AKAP19: variants seen among roughly 807,000 people sequenced by gnomAD.
AKAP19 encodes small A-kinase anchoring protein.
the AKAP19 span, among the ~76,000 whole-genome samples, chr2:189,953,655 A>C: frequency 6.6e-6 from 1 of 151,856 alleles, no homozygotes; most frequent in African/African-American, 2.4e-5. Context: ...AAAAAAAAAA[A>C]AAAACAAAGA....
chr2:189,934,710 T>C, the AKAP19 span, among the ~76,000 whole-genome samples: 2 of 151,442 alleles, frequency 1.3e-5, no homozygotes, highest in African/African-American at 4.8e-5. Context: ...ATTAATACTA[T>C]CTTGTTTTTA....
chr2:189,907,760 C>T, the AKAP19 span, among the ~76,000 whole-genome samples: 1 of 151,818 alleles, frequency 6.6e-6, no homozygotes, highest in Non-Finnish European at 1.5e-5. Flanking sequence ...CAAATATTAT[C>T]ATATATATAT....
the AKAP19 span, among the ~76,000 whole-genome samples, chr2:190,026,039 T>C: frequency 6.6e-6 from 1 of 152,236 alleles, no homozygotes; most frequent in South Asian, 2.1e-4. Context: ...CTGCTGAACA[T>C]CTGCTCATTT....
the AKAP19 span, among the ~76,000 whole-genome samples, chr2:190,040,294 T>C: frequency 6.6e-6 from 1 of 152,242 alleles, no homozygotes; most frequent in Non-Finnish European, 1.5e-5. Flanking sequence ...TTTTTTCATA[T>C]GCTTGTGGGC....
chr2:190,161,668 G>A, the AKAP19 span, among the ~76,000 whole-genome samples: 5 of 152,258 alleles, frequency 3.3e-5, no homozygotes, highest in African/African-American at 1.2e-4. Flanking sequence ...TGTTACAGAC[G>A]CTTATGCAGA....
the AKAP19 span, among the ~76,000 whole-genome samples, chr2:189,982,516 A>G: frequency 6.6e-6 from 1 of 152,188 alleles, no homozygotes; most frequent in Non-Finnish European, 1.5e-5. Flanking sequence ...TCTGGTTAGC[A>G]TCCATCGCTA....
At chr2:189,928,648 TGG>T in the AKAP19 span, among the ~76,000 whole-genome samples, 1 of 152,136 alleles carries the variant, frequency 6.6e-6, no homozygotes, top group Non-Finnish European at 1.5e-5. Flanking sequence ...CTTTCCATCA[TGG>T]GGCTCATAAG....
chr2:190,029,906 G>T, the AKAP19 span, among the ~76,000 whole-genome samples: 1 of 152,086 alleles, frequency 6.6e-6, no homozygotes, highest in African/African-American at 2.4e-5. Flanking sequence ...AACAGTAGAT[G>T]GCTCTGCATG....
the AKAP19 span, among the ~76,000 whole-genome samples, chr2:190,037,551 T>C: frequency 2.0e-5 from 3 of 152,180 alleles, no homozygotes; most frequent in Non-Finnish European, 4.4e-5. Flanking sequence ...ATAGACTCCA[T>C]AGCCAGGGTA....
chr2:189,910,024 G>T, the AKAP19 span, among the ~76,000 whole-genome samples: 13 of 151,898 alleles, frequency 8.6e-5, no homozygotes, highest in Non-Finnish European at 1.8e-4. Flanking sequence ...GGCTTCCTAT[G>T]TATAAGGTCT....
chr2:189,938,973 G>A, the AKAP19 span, among the ~76,000 whole-genome samples: 2 of 152,144 alleles, frequency 1.3e-5, no homozygotes, highest in Non-Finnish European at 2.9e-5. Flanking sequence ...CTGACTCATG[G>A]TTTCTACACT....
the AKAP19 span, among the ~76,000 whole-genome samples, chr2:190,190,611 T>C: frequency 6.6e-6 from 1 of 152,204 alleles, no homozygotes; most frequent in Non-Finnish European, 1.5e-5. Flanking sequence ...TGTGGTTAAC[T>C]TTTTAAGAAA....
chr2:189,922,625 G>T, the AKAP19 span, among the ~76,000 whole-genome samples: 1 of 152,226 alleles, frequency 6.6e-6, no homozygotes, highest in Admixed American at 6.5e-5. Flanking sequence ...CAATGCACAT[G>T]TTCCCAGCTG....
chr2:189,970,400 T>G, the AKAP19 span, among the ~76,000 whole-genome samples: 5 of 152,222 alleles, frequency 3.3e-5, no homozygotes, highest in Admixed American at 3.3e-4. Flanking sequence ...TTCCCATATT[T>G]TTAGAATACT....
chr2:190,079,890 T>TGTGTGTGTGTGTGTGAGAGA, the AKAP19 span: 1 of 109,434 alleles, frequency 9.1e-6, no homozygotes, highest in African/African-American at 3.2e-5. Context: ...TGTGTGTGTG[T>TGTGTGTGTGTGTGTGAGAGA]GAGAGAGAGA....
At chr2:190,096,716 A>G in the AKAP19 span, among the ~76,000 whole-genome samples, 2 of 152,184 alleles carry the variant, frequency 1.3e-5, no homozygotes, top group East Asian at 1.9e-4. Flanking sequence ...TTTTTAAACA[A>G]TGTATTTTCT....
At chr2:189,909,520 A>G in the AKAP19 span, among the ~76,000 whole-genome samples, 1 of 151,824 alleles carries the variant, frequency 6.6e-6, no homozygotes, top group African/African-American at 2.4e-5. Context: ...TTTGGTATCT[A>G]TTGTAGGTTT....
the AKAP19 span, among the ~76,000 whole-genome samples, chr2:189,934,347 AC>A: frequency 6.6e-6 from 1 of 152,078 alleles, no homozygotes; most frequent in Non-Finnish European, 1.5e-5. Context: ...TGGAAAACTG[AC>A]AAAATTTGTA....
At chr2:189,891,510 A>C in the AKAP19 span, among the ~76,000 whole-genome samples, 1 of 151,960 alleles carries the variant, frequency 6.6e-6, no homozygotes, top group South Asian at 2.1e-4. Context: ...GATGTGAGCC[A>C]CCAAACCCGG....
Sources: allele counts gnomAD v4.1 joint callset (sites outside exome capture counted in the v4.1 genomes callset), GRCh38; gene constraint gnomAD v4.1.1; transcripts MANE v1.5; gene names NCBI Gene and HGNC (gene_info 2026-07-23, HGNC 2026-07-21).